SNTG2: variants seen among roughly 807,000 people sequenced by gnomAD.
SNTG2 encodes syntrophin gamma 2.
A neutral mutation model predicts 70.9 loss-of-function variants in SNTG2; 74 were observed. That is an observed-to-expected ratio of 1.04 (90% CI 0.86 to 1.27). The LOEUF is 1.27. Among genes scored for constraint, SNTG2 ranks in the 50% most tolerant of loss-of-function variants. SNTG2 has a pLI of 0.00. For missense variants in SNTG2, 717 were observed against 690.7 expected, an observed-to-expected ratio of 1.04 and a Z score of -0.43; for synonymous variants, 278 against 273.8, an observed-to-expected ratio of 1.02 and a Z score of -0.15.
At chr2:1,300,937 A>AG (rs1341296903) in intron 14 of SNTG2, among the ~76,000 whole-genome samples, 1 of 152,192 alleles carries the variant, frequency 6.6e-6, no homozygotes, top group African/African-American at 2.4e-5. Context: ...CCAAAAATTA[A>AG]GTAAAAGGTA....
intron 12 of SNTG2, among the ~76,000 whole-genome samples, chr2:1,257,256 A>G (rs62108694): frequency 0.093 from 14,084 of 152,180 alleles, 722 homozygotes; most frequent in South Asian, 0.15. Context: ...TGTGTCTGCG[A>G]TCGAGGCACA....
At chr2:1,049,489 T>G (rs557254280) in intron 1 of SNTG2, among the ~76,000 whole-genome samples, 24 of 152,346 alleles carry the variant, frequency 1.6e-4, no homozygotes, top group African/African-American at 5.8e-4. Context: ...GTGGCTTGCC[T>G]TCTCCTTTTG....
intron 14 of SNTG2, among the ~76,000 whole-genome samples, chr2:1,281,609 T>C (rs2148208072): frequency 6.6e-6 from 1 of 152,110 alleles, no homozygotes; most frequent in South Asian, 2.1e-4. Flanking sequence ...AGGACACGTG[T>C]CCCGGACAGC....
At chr2:1,156,124 G>A (rs1285241560) in intron 6 of SNTG2, among the ~76,000 whole-genome samples, 1 of 152,180 alleles carries the variant, frequency 6.6e-6, no homozygotes, top group African/African-American at 2.4e-5. Context: ...GCACAGGGCC[G>A]CCCGTGGATG....
chr2:1,217,562 G>A (rs1206954102), intron 9 of SNTG2, among the ~76,000 whole-genome samples: 1 of 152,190 alleles, frequency 6.6e-6, no homozygotes, highest in Admixed American at 6.5e-5. Flanking sequence ...CCTGTCCTGT[G>A]ACACTCGGTA....
At chr2:1,082,825 C>A (rs1007498671) in intron 1 of SNTG2, among the ~76,000 whole-genome samples, 4 of 152,238 alleles carry the variant, frequency 2.6e-5, no homozygotes, top group Non-Finnish European at 5.9e-5. Context: ...TCTAATGATC[C>A]AAAGGTGTCT....
At chr2:1,077,903 C>T (rs4078138) in intron 1 of SNTG2, among the ~76,000 whole-genome samples, 86,494 of 151,932 alleles carry the variant, frequency 0.57, 24,940 homozygotes, top group East Asian at 0.68. Flanking sequence ...GTCATACACC[C>T]TACAGGTACC....
intron 1 of SNTG2, among the ~76,000 whole-genome samples, chr2:1,080,066 G>C (rs1341931616): frequency 1.3e-5 from 2 of 152,160 alleles, no homozygotes; most frequent in Non-Finnish European, 2.9e-5. Flanking sequence ...GGTCCTCCAT[G>C]AGAGCCCCAC....
chr2:1,335,181 GT>G (rs11351319), intron 16 of SNTG2, among the ~76,000 whole-genome samples: 51,647 of 151,998 alleles, frequency 0.34, 9,304 homozygotes, highest in East Asian at 0.54. Context: ...ACCCCCGTGC[GT>G]TCCTCTGCAT....
At chr2:1,157,837 C>T (rs1274853789) in intron 6 of SNTG2, among the ~76,000 whole-genome samples, 7 of 152,134 alleles carry the variant, frequency 4.6e-5, no homozygotes, top group Admixed American at 2.0e-4. Flanking sequence ...AGCCCAGCAC[C>T]GCAATGCTCT....
At chr2:1,161,854 C>T (rs1270361083) in intron 6 of SNTG2, among the ~76,000 whole-genome samples, 2 of 152,052 alleles carry the variant, frequency 1.3e-5, no homozygotes, top group Non-Finnish European at 2.9e-5. Context: ...GCGGGCGGAT[C>T]ACGAGGTCAG....
chr2:995,843 C>T (rs958873600), intron 1 of SNTG2, among the ~76,000 whole-genome samples: 1 of 152,094 alleles, frequency 6.6e-6, no homozygotes, highest in Non-Finnish European at 1.5e-5. Context: ...CAAAGAGCAG[C>T]ACAACTTCCC....
At chr2:1,117,377 A>G (rs992199841) in intron 4 of SNTG2, among the ~76,000 whole-genome samples, 17 of 152,182 alleles carry the variant, frequency 1.1e-4, no homozygotes, top group Non-Finnish European at 2.4e-4. Context: ...ATATCATTTA[A>G]TTTTAATAGA....
At chr2:1,215,092 T>G (rs1281638218) in intron 9 of SNTG2, among the ~76,000 whole-genome samples, 1 of 152,210 alleles carries the variant, frequency 6.6e-6, no homozygotes, top group Non-Finnish European at 1.5e-5. Flanking sequence ...TCCCACTTGA[T>G]CATGGTGACT....
chr2:951,166 TC>T, intron 1 of SNTG2, 98 bp downstream of exon 1: 1 of 528,812 alleles, frequency 1.9e-6, no homozygotes, highest in Non-Finnish European at 2.8e-6. Context: ...GCCCCCTCGC[TC>T]CCCGCGACCC....
intron 1 of SNTG2, among the ~76,000 whole-genome samples, chr2:997,372 T>G (rs996497058): frequency 3.9e-5 from 6 of 152,208 alleles, no homozygotes; most frequent in African/African-American, 1.4e-4. Context: ...TTCCAGACTG[T>G]TGACAGTGAC....
chr2:1,162,000 G>C (rs923179594), intron 6 of SNTG2, among the ~76,000 whole-genome samples: 1 of 149,402 alleles, frequency 6.7e-6, no homozygotes, highest in African/African-American at 2.5e-5. Context: ...TGTGAACCCG[G>C]GAGGCGGAGC....
At chr2:1,290,033 T>C (rs1679926952) in intron 14 of SNTG2, among the ~76,000 whole-genome samples, 1 of 152,234 alleles carries the variant, frequency 6.6e-6, no homozygotes, top group Admixed American at 6.5e-5. Context: ...CGTTCATCCT[T>C]TGATGGACAC....
At chr2:1,063,264 C>A (rs1425619279) in intron 1 of SNTG2, among the ~76,000 whole-genome samples, 1 of 152,166 alleles carries the variant, frequency 6.6e-6, no homozygotes, top group African/African-American at 2.4e-5. Context: ...CACAGATGAG[C>A]TAAGGAGAAA....
Sources: gnomAD v4.1 joint callset for allele counts (sites outside exome capture counted in the v4.1 genomes callset) on GRCh38, gnomAD v4.1.1 for gene constraint, MANE v1.5 for transcripts, NCBI Gene and HGNC (gene_info 2026-07-23, HGNC 2026-07-21) for gene names.